The following MAML3 variants were observed in gnomAD, a reference collection of about 807,000 sequenced individuals.
The protein encoded by MAML3 is mastermind like transcriptional coactivator 3, also known as mastermind-like protein 3.
A neutral mutation model predicts 101.9 loss-of-function variants in MAML3; 27 were observed. The ratio of observed to expected loss-of-function variants is 0.27; its 90% CI spans 0.20 to 0.37. The LOEUF is 0.37. Among genes scored for constraint, MAML3 ranks in the 10% least tolerant of loss-of-function variants. The pLI is 1.00. For synonymous variants in MAML3, 501 were observed against 555.9 expected, an observed-to-expected ratio of 0.90 and a Z score of 1.39; for missense variants, 1,316 against 1,444.9, an observed-to-expected ratio of 0.91 and a Z score of 1.45.
At chr4:139,784,199 G>A (rs1730266059) in intron 2 of MAML3, among the ~76,000 whole-genome samples, 1 of 152,240 alleles carries the variant, frequency 6.6e-6, no homozygotes, top group Admixed American at 6.5e-5. Flanking sequence ...AGGCCCGCCT[G>A]ATGCCGCCCA....
intron 1 of MAML3, among the ~76,000 whole-genome samples, chr4:140,030,114 TC>T (rs1726884854): frequency 6.6e-6 from 1 of 152,160 alleles, no homozygotes; most frequent in Admixed American, 6.5e-5. Flanking sequence ...GTGTCTTATT[TC>T]CCTTCTAATT....
Position 140,005,316 on chromosome 4 carries a change from T to G in MAML3, c.469-114349A>C, listed in dbSNP as rs949829885. 5.3e-5 allele frequency among the ~76,000 whole-genome samples: 8 copies of G among 152,320 alleles called. No homozygotes were observed. In the East Asian group the frequency reaches 1.5e-3, roughly 29 times the overall value. ...AATATGCATAAAATATTCCTTAACC[T>G]GGAAACATTAGGAGGAAATAATCAA... On this transcript the variant is annotated intron_variant, in intron 1 of 4. Coordinates refer to ENST00000509479, the MANE Select transcript of MAML3 (RefSeq NM_018717.5).
chr4:140,104,413 A>ATG (rs1728314630), intron 1 of MAML3, among the ~76,000 whole-genome samples: 4 of 29,688 alleles, frequency 1.3e-4, no homozygotes, highest in Middle Eastern at 0.013. Flanking sequence ...TATATAATAT[A>ATG]ATATATAATA....
At chr4:140,134,023 GCCATCTCTC>G (rs1254240935) in intron 1 of MAML3, 3 of 429,752 alleles carry the variant, frequency 7.0e-6, no homozygotes, top group African/African-American at 2.0e-5. Context: ...CATCCCTTCT[GCCATCTCTC>G]CCATCTCTCC....
At chr4:139,914,646 C>T (rs958006511) in intron 1 of MAML3, among the ~76,000 whole-genome samples, 1 of 152,112 alleles carries the variant, frequency 6.6e-6, no homozygotes, top group Non-Finnish European at 1.5e-5. Context: ...GTACCAAACC[C>T]GACCACAACA....
chr4:139,830,899 T>C (rs369632520), intron 2 of MAML3, among the ~76,000 whole-genome samples: 1 of 152,082 alleles, frequency 6.6e-6, no homozygotes, highest in Non-Finnish European at 1.5e-5. Context: ...ATACTAGCAA[T>C]GGAGGTTATA....
chr4:139,820,210 T>C (rs530192586), intron 2 of MAML3, among the ~76,000 whole-genome samples: 3 of 149,610 alleles, frequency 2.0e-5, no homozygotes, highest in Non-Finnish European at 4.5e-5. Flanking sequence ...CCGAATGTCA[T>C]AGATATCTCT....
chr4:139,923,594 T>C (rs746022888), intron 1 of MAML3, among the ~76,000 whole-genome samples: 2 of 150,694 alleles, frequency 1.3e-5, no homozygotes, highest in African/African-American at 2.5e-5. Context: ...AAGTTTTGTA[T>C]GTACATATTT....
At chr4:139,786,798 A>G (rs1014865718) in intron 2 of MAML3, among the ~76,000 whole-genome samples, 1 of 152,184 alleles carries the variant, frequency 6.6e-6, no homozygotes, top group Non-Finnish European at 1.5e-5. Context: ...AGGTGAGGTT[A>G]AAGTGGGGTC....
chr4:139,928,037 A>G (rs1333433903), intron 1 of MAML3, among the ~76,000 whole-genome samples: 1 of 152,178 alleles, frequency 6.6e-6, no homozygotes, highest in Non-Finnish European at 1.5e-5. Flanking sequence ...TTATATACAT[A>G]CAGCTATATT....
At chr4:139,848,211 T>C (rs764832536) in intron 2 of MAML3, among the ~76,000 whole-genome samples, 5 of 152,226 alleles carry the variant, frequency 3.3e-5, no homozygotes, top group Non-Finnish European at 5.9e-5. Flanking sequence ...CACCTAATGA[T>C]TGAATTTTAA....
chr4:139,777,051 C>T (rs1730109464), intron 2 of MAML3, among the ~76,000 whole-genome samples: 1 of 152,140 alleles, frequency 6.6e-6, no homozygotes, highest in Admixed American at 6.5e-5. Flanking sequence ...TGGAGGGACA[C>T]TCATCCACTC....
At chr4:139,974,136 C>T (rs1048897437) in intron 1 of MAML3, among the ~76,000 whole-genome samples, 18 of 146,732 alleles carry the variant, frequency 1.2e-4, no homozygotes, top group African/African-American at 2.3e-4. Context: ...GACAGAGTCT[C>T]GCTCTATCAC....
chr4:140,047,700 T>G (rs1223465319), intron 1 of MAML3, among the ~76,000 whole-genome samples: 2 of 147,930 alleles, frequency 1.4e-5, no homozygotes, highest in Non-Finnish European at 3.0e-5. Flanking sequence ...AGCTTGAGTT[T>G]GATATTTACA....
chr4:139,898,192 G>C (rs1463621881), intron 1 of MAML3, among the ~76,000 whole-genome samples: 1 of 152,202 alleles, frequency 6.6e-6, no homozygotes, highest in Non-Finnish European at 1.5e-5. Flanking sequence ...ACCACAATGA[G>C]TTAGTGTAAT....
Position 140,054,269 on chromosome 4 carries a change from T to C in MAML3, c.468+98591A>G, listed in dbSNP as rs558497041. Among the ~76,000 whole-genome samples the C allele has an allele frequency of 8.7e-5, 13 of 149,420 alleles. No individual in the cohort carries two copies. In the South Asian group the frequency reaches 2.5e-3, roughly 29 times the overall value. ...CTGTAATCCCAGCTACCCGGGAGGC[T>C]GAGGCAGGAGAATCACTGGAACCCA... is the stretch of plus-strand genomic sequence containing the variant. On this transcript the variant is annotated intron_variant, in intron 1 of 4. Transcript: ENST00000509479.
At chr4:139,774,230 A>G (rs1174336325) in intron 2 of MAML3, among the ~76,000 whole-genome samples, 1 of 152,212 alleles carries the variant, frequency 6.6e-6, no homozygotes, top group African/African-American at 2.4e-5. Flanking sequence ...TGACTGTCTC[A>G]TCTGAACAAA....
chr4:139,933,918 TTA>T (rs755880874), intron 1 of MAML3, among the ~76,000 whole-genome samples: 5 of 151,942 alleles, frequency 3.3e-5, no homozygotes, highest in Non-Finnish European at 5.9e-5. Flanking sequence ...GTGCATGGGA[TTA>T]TGAGTGTGAC....
intron 1 of MAML3, among the ~76,000 whole-genome samples, chr4:140,080,028 T>C (rs1043094869): frequency 6.6e-6 from 1 of 152,202 alleles, no homozygotes; most frequent in Non-Finnish European, 1.5e-5. Context: ...TTCAAATGTA[T>C]TAATAAAAAA....
Sources: allele counts gnomAD v4.1 joint callset (sites outside exome capture counted in the v4.1 genomes callset), GRCh38; gene constraint gnomAD v4.1.1; transcripts MANE v1.5; gene names NCBI Gene and HGNC (gene_info 2026-07-23, HGNC 2026-07-21).